The following GPC6 variants were observed in gnomAD, a reference collection of about 807,000 sequenced individuals.
The protein encoded by GPC6 is glypican 6, also known as glypican-6.
GPC6 carries 14 observed loss-of-function variants against 55.2 expected under a neutral mutation model. That is an observed-to-expected ratio of 0.25 (90% CI 0.17 to 0.40). GPC6 has a LOEUF of 0.40. GPC6 is among the 10% of genes least tolerant of loss of function. The pLI, the probability that GPC6 is intolerant of heterozygous loss-of-function variation, is 1.00. For missense variants in GPC6, 641 were observed against 708.5 expected (o/e 0.90, Z 1.08); for synonymous variants, 278 against 259.6 (o/e 1.07, Z -0.68).
At chr13:93,999,569 T>G (rs886325934) in intron 3 of GPC6, among the ~76,000 whole-genome samples, 3 of 152,200 alleles carry the variant, frequency 2.0e-5, no homozygotes, top group Admixed American at 1.3e-4. Flanking sequence ...GCCTGGGTTA[T>G]TTCACTTACC....
intron 1 of GPC6, among the ~76,000 whole-genome samples, chr13:93,260,498 ACTTGTTATCACCGC>A (rs990551031): frequency 6.6e-6 from 1 of 152,072 alleles, no homozygotes; most frequent in African/African-American, 2.4e-5. Flanking sequence ...CGCTCCTAGG[ACTTGTTATCACCGC>A]CTCTTAGGTG....
chr13:93,548,079 C>T (rs1292198417), intron 2 of GPC6, among the ~76,000 whole-genome samples: 1 of 151,998 alleles, frequency 6.6e-6, no homozygotes, highest in African/African-American at 2.4e-5. Flanking sequence ...GGAATGTTAC[C>T]CTCTTTGAGT....
At chr13:94,120,967 T>A (rs975920722) in intron 4 of GPC6, among the ~76,000 whole-genome samples, 5 of 152,114 alleles carry the variant, frequency 3.3e-5, no homozygotes, top group African/African-American at 1.2e-4. Context: ...GGGTGATCTC[T>A]GTTAAAATGT....
intron 3 of GPC6, among the ~76,000 whole-genome samples, chr13:93,859,765 G>A (rs933015434): frequency 6.6e-6 from 1 of 151,600 alleles, no homozygotes; most frequent in Non-Finnish European, 1.5e-5. Flanking sequence ...CATCTATAGA[G>A]TTCAGTAGCC....
chr13:93,699,615 T>C (rs908438747), intron 2 of GPC6, among the ~76,000 whole-genome samples: 6 of 152,144 alleles, frequency 3.9e-5, no homozygotes, highest in Non-Finnish European at 5.9e-5. Context: ...ATAATATTTT[T>C]CTTACTTCAG....
chr13:93,521,598 C>T (rs1309406234), intron 1 of GPC6, among the ~76,000 whole-genome samples: 1 of 151,876 alleles, frequency 6.6e-6, no homozygotes, highest in African/African-American at 2.4e-5. Context: ...GGAGGGTGCC[C>T]CATGGGCTTC....
At chr13:94,162,670 G>T (rs1008824402) in intron 4 of GPC6, among the ~76,000 whole-genome samples, 1 of 152,138 alleles carries the variant, frequency 6.6e-6, no homozygotes, top group Admixed American at 6.5e-5. Context: ...CATCTACTTG[G>T]ATGTTAGGAA....
At chr13:93,535,355 G>A (rs1247192051) in intron 1 of GPC6, among the ~76,000 whole-genome samples, 1 of 152,154 alleles carries the variant, frequency 6.6e-6, no homozygotes, top group Non-Finnish European at 1.5e-5. Context: ...GCTGTTTGGA[G>A]AAATTGAAAC....
At chr13:93,439,942 T>C (rs1445263) in intron 1 of GPC6, among the ~76,000 whole-genome samples, 51,074 of 152,048 alleles carry the variant, frequency 0.34, 8,666 homozygotes, top group East Asian at 0.36. Context: ...AAATAATTAA[T>C]AGTTTTATTG....
intron 6 of GPC6, among the ~76,000 whole-genome samples, chr13:94,318,460 T>A (rs1429410081): frequency 6.6e-6 from 1 of 152,208 alleles, no homozygotes; most frequent in Non-Finnish European, 1.5e-5. Context: ...AGGACAGTTA[T>A]AACACACTGT....
intron 4 of GPC6, among the ~76,000 whole-genome samples, chr13:94,191,993 C>T (rs1246957319): frequency 6.6e-6 from 1 of 152,078 alleles, no homozygotes; most frequent in Non-Finnish European, 1.5e-5. Flanking sequence ...AAAAATGAAA[C>T]CTATCCTCAT....
At chr13:93,692,597 G>T (rs889860802) in intron 2 of GPC6, among the ~76,000 whole-genome samples, 1 of 152,002 alleles carries the variant, frequency 6.6e-6, no homozygotes, top group Non-Finnish European at 1.5e-5. Context: ...TGGATCATTA[G>T]AAAATATAGA....
intron 2 of GPC6, among the ~76,000 whole-genome samples, chr13:93,778,578 C>T (rs1028527688): frequency 9.9e-5 from 15 of 152,128 alleles, no homozygotes; most frequent in Admixed American, 1.3e-4. Flanking sequence ...TGCTTAGATA[C>T]GGCCTTTGGC....
rs1209965229 is a variant in GPC6, at chr13:94,208,493, AT to A, written c.878-77855del. ...ATATTTGATGTACGTCTTTAAAAAA[AT>A]AAATAGAAATTCAAGGTGAAAAAGA... On this transcript the variant is annotated intron_variant, in intron 4 of 8. Transcript: ENST00000377047. 3.3e-5 allele frequency among the ~76,000 whole-genome samples: 5 copies of A among 152,178 alleles called. No individual in the cohort carries two copies. The East Asian group carries it at 7.7e-4, about 23-fold the overall frequency.
At chr13:93,401,624 T>C (rs1876081760) in intron 1 of GPC6, among the ~76,000 whole-genome samples, 1 of 149,324 alleles carries the variant, frequency 6.7e-6, no homozygotes, top group Non-Finnish European at 1.5e-5. Flanking sequence ...GTATTGCCAA[T>C]GCGGTAAAGA....
At chr13:93,755,403 C>T (rs1226117763) in intron 2 of GPC6, among the ~76,000 whole-genome samples, 1 of 152,150 alleles carries the variant, frequency 6.6e-6, no homozygotes, top group Admixed American at 6.6e-5. Flanking sequence ...GCTACTTCTA[C>T]TTCTGTGCAA....
intron 4 of GPC6, among the ~76,000 whole-genome samples, chr13:94,258,934 G>A (rs1298564467): frequency 6.6e-6 from 1 of 152,080 alleles, no homozygotes; most frequent in East Asian, 1.9e-4. Context: ...ACAAGGGTGG[G>A]GCAGGAAACC....
At chr13:93,803,942 A>C (rs529163367) in intron 2 of GPC6, among the ~76,000 whole-genome samples, 1 of 152,096 alleles carries the variant, frequency 6.6e-6, no homozygotes, top group Non-Finnish European at 1.5e-5. Context: ...GCTAATGTGT[A>C]TGGAATTACT....
At chr13:93,654,389 G>A (rs1048761520) in intron 2 of GPC6, among the ~76,000 whole-genome samples, 10 of 152,092 alleles carry the variant, frequency 6.6e-5, no homozygotes, top group Admixed American at 2.0e-4. Flanking sequence ...GTGCAGTGGC[G>A]TGATCTCAGC....
Sources: gnomAD v4.1 joint callset for allele counts (sites outside exome capture counted in the v4.1 genomes callset) on GRCh38, gnomAD v4.1.1 for gene constraint, MANE v1.5 for transcripts, NCBI Gene and HGNC (gene_info 2026-07-23, HGNC 2026-07-21) for gene names.